ZDHHC20: variants seen among roughly 807,000 people sequenced by gnomAD.
ZDHHC20 encodes the protein zDHHC palmitoyltransferase 20.
ZDHHC20 carries 43 observed loss-of-function variants against 57.8 expected under a neutral mutation model. The observed-to-expected ratio is 0.74, with a 90% CI of 0.58 to 0.96. ZDHHC20 has a LOEUF of 0.96. Among genes scored for constraint, ZDHHC20 ranks in the 40% least tolerant of loss-of-function variants. The pLI is 0.00. For missense variants in ZDHHC20, 391 were observed against 441.1 expected (o/e 0.89, Z 1.02); for synonymous variants, 157 against 153.0 (o/e 1.03, Z -0.19).
chr13:21,435,391 G>A (rs1042241737), intron 1 of ZDHHC20, among the ~76,000 whole-genome samples: 1 of 151,912 alleles, frequency 6.6e-6, no homozygotes, highest in Admixed American at 6.6e-5. Context: ...CCAGGGGCAG[G>A]AAAAGTATCA....
At position 21,376,106 on chromosome 13, in the gene ZDHHC20, C is replaced by T. The variant is rs1303443673; in HGVS notation, c.*590G>A. ...TAAATGATATTTAGATATCTGAATC[C>T]TTCTGTTATAGCCAACAATAAAAAA... On this transcript the variant is annotated 3_prime_UTR_variant, in exon 13 of 13. Coordinates refer to ENST00000400590, the MANE Select transcript of ZDHHC20 (RefSeq NM_001330059.2). 1 of 152,044 alleles carries T rather than the reference C, an allele frequency of 6.6e-6. No individual in the cohort carries two copies. The highest frequency in any genetic ancestry group is 1.5e-5 in the Non-Finnish European group (1 of 68,022). The allele number at this position is 152,044 out of a possible 1,614,324, so 9.4% of individuals were successfully genotyped here.
chr13:21,410,357 C>T (rs1879037301), intron 4 of ZDHHC20, among the ~76,000 whole-genome samples: 1 of 152,210 alleles, frequency 6.6e-6, no homozygotes, highest in Non-Finnish European at 1.5e-5. Flanking sequence ...CTACTTGAGG[C>T]AGTCTGTCCC....
At chr13:21,402,588 T>C (rs935363276) in intron 5 of ZDHHC20, among the ~76,000 whole-genome samples, 2 of 152,214 alleles carry the variant, frequency 1.3e-5, no homozygotes, top group African/African-American at 4.8e-5. Context: ...TTCTATTAAC[T>C]GGTATAGGAA....
intron 1 of ZDHHC20, among the ~76,000 whole-genome samples, chr13:21,456,995 C>G (rs9506684): frequency 0.1 from 15,864 of 152,178 alleles, 918 homozygotes; most frequent in African/African-American, 0.13. Flanking sequence ...AGGACCTATT[C>G]GCTCAGTCTC....
rs143158343 is a variant in ZDHHC20 at position 21,386,800 on chromosome 13, C to T, written c.854+708G>A. Among the ~76,000 whole-genome samples, 1,019 of 152,268 alleles carry T rather than the reference C, an allele frequency of 6.7e-3. 15 individuals carry two copies. Among genetic ancestry groups the T allele is most frequent in the African/African-American group, 0.023 (943 of 41,540 alleles). On this transcript the variant is annotated intron_variant, in intron 9 of 12. Coordinates refer to ENST00000400590, the MANE Select transcript of ZDHHC20 (RefSeq NM_001330059.2). ...CTGGCCCCAAGTGATTCACCTGCCT[C>T]GGCCTCCCAAAGTGCTGGGATTACA...
chr13:21,447,061 G>A (rs1469284762), intron 1 of ZDHHC20, among the ~76,000 whole-genome samples: 4 of 152,036 alleles, frequency 2.6e-5, no homozygotes, highest in Non-Finnish European at 5.9e-5. Flanking sequence ...CTGCTTCCTG[G>A]AGAATACATG....
At chr13:21,398,302 A>C (rs896922400) in intron 7 of ZDHHC20, among the ~76,000 whole-genome samples, 1 of 152,030 alleles carries the variant, frequency 6.6e-6, no homozygotes, top group African/African-American at 2.4e-5. Flanking sequence ...GTCTCTACTA[A>C]AAATACAAAA....
chr13:21,393,948 G>C (rs893682279), intron 7 of ZDHHC20, among the ~76,000 whole-genome samples: 1 of 152,170 alleles, frequency 6.6e-6, no homozygotes, highest in Non-Finnish European at 1.5e-5. Flanking sequence ...CCAAAAACTA[G>C]ATCTGATGAC....
At chr13:21,378,627 C>T (rs1260339132) in intron 12 of ZDHHC20, 34 bp downstream of exon 12, 40 of 1,164,886 alleles carry the variant, frequency 3.4e-5, no homozygotes, top group Non-Finnish European at 4.4e-5. Context: ...AAATAAGCTG[C>T]ATTTATTCAA....
intron 1 of ZDHHC20, among the ~76,000 whole-genome samples, chr13:21,431,967 A>T (rs907205964): frequency 4.6e-5 from 7 of 152,092 alleles, no homozygotes; most frequent in African/African-American, 1.7e-4. Flanking sequence ...TCTTAATTTA[A>T]TTTATCAATT....
rs76632091 is a variant in ZDHHC20, at chr13:21,394,351, G to A, written c.595-2497C>T. 6.8e-3 allele frequency among the ~76,000 whole-genome samples: 1,032 copies of A among 152,126 alleles called. 15 individuals carry two copies. The highest frequency in any genetic ancestry group is 0.023 in the African/African-American group (942 of 41,476). On this transcript the variant is annotated intron_variant, in intron 7 of 12. Coordinates refer to ENST00000400590, the MANE Select transcript of ZDHHC20 (RefSeq NM_001330059.2). ...GCTTAAATCCTACCTTCTAAATAAG[G>A]TCTACCCTGACTGTGCTATTCAATA... is the stretch of plus-strand genomic sequence containing the variant.
intron 11 of ZDHHC20, among the ~76,000 whole-genome samples, chr13:21,380,986 T>TTTTA (rs959515551): frequency 1.3e-5 from 2 of 151,236 alleles, no homozygotes; most frequent in African/African-American, 4.9e-5. Flanking sequence ...CCTATATATA[T>TTTTA]TTTATTTATT....
At chr13:21,442,673 T>G (rs1388096226) in intron 1 of ZDHHC20, among the ~76,000 whole-genome samples, 1 of 151,916 alleles carries the variant, frequency 6.6e-6, no homozygotes, top group Non-Finnish European at 1.5e-5. Context: ...AAGAATTGCT[T>G]GAACCCGGGA....
intron 1 of ZDHHC20, among the ~76,000 whole-genome samples, chr13:21,440,011 G>A (rs1199409696): frequency 1.4e-5 from 2 of 142,954 alleles, no homozygotes; most frequent in Non-Finnish European, 3.0e-5. Flanking sequence ...AGGTTTCAGT[G>A]AGCCAAGATC....
intron 1 of ZDHHC20, among the ~76,000 whole-genome samples, chr13:21,442,024 C>T (rs1883224968): frequency 6.6e-6 from 1 of 152,138 alleles, no homozygotes; most frequent in African/African-American, 2.4e-5. Context: ...TTTGTGTGTA[C>T]ATAAATTTTG....
At chr13:21,455,350 G>C (rs562548083) in intron 1 of ZDHHC20, among the ~76,000 whole-genome samples, 1 of 152,224 alleles carries the variant, frequency 6.6e-6, no homozygotes, top group Admixed American at 6.5e-5. Context: ...AAGATGACCT[G>C]AACAACAAGA....
At chr13:21,402,059 AC>A (rs1877704521) in intron 5 of ZDHHC20, among the ~76,000 whole-genome samples, 2 of 151,998 alleles carry the variant, frequency 1.3e-5, no homozygotes, top group Admixed American at 6.6e-5. Flanking sequence ...ACATAGTGAG[AC>A]CCTGTCCTGA....
rs1187002771 is a variant in ZDHHC20, at chr13:21,374,920, G to C, written c.*1776C>G. 5.8e-6 allele frequency: 2 copies of C among 344,690 alleles called. No homozygotes were observed. Among genetic ancestry groups the C allele is most frequent in the Admixed American group, 4.0e-5 (1 of 24,880 alleles). The allele number at this position is 344,690 out of a possible 1,614,324, so 21.4% of individuals were successfully genotyped here. On this transcript the variant is annotated 3_prime_UTR_variant, in exon 13 of 13. Transcript: ENST00000400590. Reference sequence around the variant, plus strand: ...AAGCTGAGGTGGGTGGATTATTTGAGGTCAGGAGTTAGTGATCAGCCTGGT... The same window carrying C: ...AAGCTGAGGTGGGTGGATTATTTGACGTCAGGAGTTAGTGATCAGCCTGGT...
At position 21,425,097 on chromosome 13, in the gene ZDHHC20, G is replaced by C. The variant is rs368599510; in HGVS notation, c.145+555C>G. On this transcript the variant is annotated intron_variant, in intron 2 of 12. Transcript: ENST00000400590. ...ACTTATGAAATTTGCTTTTATCCCA[G>C]TGAAATTTTGAGAGATGATTTTTCC... Among the ~76,000 whole-genome samples, 5 of 152,164 alleles carry C rather than the reference G, an allele frequency of 3.3e-5. No individual in the cohort carries two copies. The East Asian group carries it at 5.8e-4, about 18-fold the overall frequency.
Sources: allele counts gnomAD v4.1 joint callset (sites outside exome capture counted in the v4.1 genomes callset), GRCh38; gene constraint gnomAD v4.1.1; transcripts MANE v1.5; gene names NCBI Gene and HGNC (gene_info 2026-07-23, HGNC 2026-07-21).